Variants in RAP1GAP2 observed in about 807,000 individuals in gnomAD.
RAP1GAP2 encodes rap1 GTPase-activating protein 2.
A neutral mutation model predicts 95.0 loss-of-function variants in RAP1GAP2; 27 were observed. The observed-to-expected ratio is 0.28, with a 90% CI of 0.21 to 0.39. The LOEUF (loss-of-function observed/expected upper bound fraction) is 0.39, where lower values mean the gene tolerates loss of function less well. RAP1GAP2 is among the 10% of genes least tolerant of loss of function. The probability of loss-of-function intolerance (pLI) is 1.00; values close to 1 mark genes in which losing one functional copy is unlikely to be tolerated. For missense variants in RAP1GAP2, 771 were observed against 970.0 expected (o/e 0.79, Z 2.72); for synonymous variants, 373 against 380.9 (o/e 0.98, Z 0.24).
At position 2,871,403 on chromosome 17, in the gene RAP1GAP2, G is replaced by A. The variant is rs1026025342; in HGVS notation, c.81-33881G>A. Among the ~76,000 whole-genome samples, 2 of 152,146 alleles carry A rather than the reference G, an allele frequency of 1.3e-5. No individual in the cohort carries two copies. The highest frequency in any genetic ancestry group is 2.4e-5 in the African/African-American group (1 of 41,428). ...AGTCCCTATGTGCAGGGGTGGGAGC[G>A]GGGAGCCATGATTGGCCCAGGGAGA... On this transcript the variant is annotated intron_variant, in intron 2 of 24. Coordinates refer to ENST00000254695, the MANE Select transcript of RAP1GAP2 (RefSeq NM_015085.5). This position sits in a 1 kb window ranked among gnomAD's most constrained non-coding sequence, Gnocchi z 5.0.
chr17:2,882,256 A>T (rs1046004251), intron 2 of RAP1GAP2, among the ~76,000 whole-genome samples: 2 of 150,168 alleles, frequency 1.3e-5, no homozygotes, highest in African/African-American at 4.9e-5. Context: ...CCTCCTGAGT[A>T]GCTGGGATTA....
chr17:2,981,662 G>C (rs4790401), intron 10 of RAP1GAP2, among the ~76,000 whole-genome samples: 1 of 151,928 alleles, frequency 6.6e-6, no homozygotes, highest in Admixed American at 6.6e-5. Flanking sequence ...CCAGACAGCC[G>C]CCCCGCCATT....
At chr17:2,982,899 T>C (rs113901854) in intron 10 of RAP1GAP2, among the ~76,000 whole-genome samples, 73 of 152,362 alleles carry the variant, frequency 4.8e-4, no homozygotes, top group African/African-American at 1.7e-3. Flanking sequence ...TTCATCTGGC[T>C]GAGATGCACG....
chr17:2,891,984 C>T (rs763395171), intron 2 of RAP1GAP2, among the ~76,000 whole-genome samples: 2 of 151,248 alleles, frequency 1.3e-5, no homozygotes, highest in African/African-American at 4.9e-5. Flanking sequence ...CCACCATGCC[C>T]GGCTAATTTT....
At chr17:2,850,882 G>A (rs1018667297) in intron 2 of RAP1GAP2, among the ~76,000 whole-genome samples, 8 of 151,908 alleles carry the variant, frequency 5.3e-5, no homozygotes, top group African/African-American at 1.2e-4. Flanking sequence ...CCAACATGGC[G>A]AAACCCCGTC....
At chr17:2,771,499 G>GTTTTTTTTTTTTGTTTTTTTTTTTTTT (rs397976670) in intron 2 of RAP1GAP2, among the ~76,000 whole-genome samples, 1 of 124,766 alleles carries the variant, frequency 8.0e-6, no homozygotes, top group South Asian at 2.5e-4. Flanking sequence ...TTTTTTTTTT[G>GTTTTTTTTTTTTGTTTTTTTTTTTTTT]TTTTTTTTTT....
At chr17:2,957,012 C>T (rs1353719570) in intron 3 of RAP1GAP2, among the ~76,000 whole-genome samples, 1 of 151,880 alleles carries the variant, frequency 6.6e-6, no homozygotes, top group African/African-American at 2.4e-5. Context: ...CCTGTAGTTC[C>T]AGCTACTCGG....
At position 2,796,710 on chromosome 17, in the gene RAP1GAP2, G is replaced by A. The variant is rs1233002092; in HGVS notation, c.44+139G>A. ...GGGTCTGCTGACGCCCTGGCAGGTC[G>A]AGATGCAGGATCCTGGTGGGGACAT... On this transcript the variant is annotated intron_variant, in intron 1 of 24. Transcript: ENST00000254695. This position sits in a 1 kb window ranked among gnomAD's most constrained non-coding sequence, Gnocchi z 4.7. 69 of 950,124 alleles carry A rather than the reference G, an allele frequency of 7.3e-5. 1 individual carries two copies. In the South Asian group the frequency reaches 8.9e-4, roughly 12 times the overall value. The allele number at this position is 950,124 out of a possible 1,614,324, so 58.9% of individuals were successfully genotyped here.
chr17:2,854,630 G>T (rs1244855242), intron 2 of RAP1GAP2, among the ~76,000 whole-genome samples: 1 of 152,262 alleles, frequency 6.6e-6, no homozygotes, highest in African/African-American at 2.4e-5. Flanking sequence ...CGCCTTTCTG[G>T]CGTTTGTTCT....
intron 2 of RAP1GAP2, among the ~76,000 whole-genome samples, chr17:2,895,743 A>AT (rs1427525210): frequency 3.8e-4 from 58 of 151,992 alleles, no homozygotes; most frequent in African/African-American, 1.4e-3. Context: ...TGCCTGGCTA[A>AT]TTTTTTGTAT....
chr17:2,966,114 G>A (rs1409168955), intron 8 of RAP1GAP2, among the ~76,000 whole-genome samples: 1 of 152,210 alleles, frequency 6.6e-6, no homozygotes, highest in Non-Finnish European at 1.5e-5. Flanking sequence ...CACAACAGGA[G>A]CACTGATTTA....
chr17:2,815,196 T>C lies in RAP1GAP2; in HGVS notation c.80+14646T>C, dbSNP rs114097959. On this transcript the variant is annotated intron_variant, in intron 2 of 24. Coordinates refer to ENST00000254695, the MANE Select transcript of RAP1GAP2 (RefSeq NM_015085.5). ...AGGTGCTGCTGATGAGGCAGCTGGC[T>C]TCACAGCTGCACGGGAACCAGTGCC... is the stretch of plus-strand genomic sequence containing the variant. 9.4e-4 allele frequency among the ~76,000 whole-genome samples: 143 copies of C among 152,232 alleles called. 1 individual carries two copies. The highest frequency in any genetic ancestry group is 3.4e-3 in the Middle Eastern group (1 of 294).
Position 3,031,005 on chromosome 17 carries a change from A to C in RAP1GAP2, c.2184+7A>C, listed in dbSNP as rs371047814. On this transcript the variant is annotated splice_region_variant and intron_variant, in intron 23 of 24. Coordinates refer to ENST00000254695, the MANE Select transcript of RAP1GAP2 (RefSeq NM_015085.5). ...CCATGCCAGCTCTGGTGCGGTAAGG[A>C]TGCGCCTCCCACACCCCACACTCCA... 1 of 1,596,164 alleles carries C rather than the reference A, an allele frequency of 6.3e-7. No individual in the cohort carries two copies. Among genetic ancestry groups the C allele is most frequent in the African/African-American group, 1.3e-5 (1 of 74,158 alleles).
At chr17:2,800,452 C>G in intron 1 of RAP1GAP2, 63 bp from the exon 2 acceptor site, 1 of 1,555,250 alleles carries the variant, frequency 6.4e-7, no homozygotes, top group South Asian at 1.2e-5. Context: ...CTCCTCCATA[C>G]AGATGCTATG....
At chr17:2,766,295 C>T (rs142286173) in intron 1 of RAP1GAP2, among the ~76,000 whole-genome samples, 141 of 152,294 alleles carry the variant, frequency 9.3e-4, no homozygotes, top group African/African-American at 3.3e-3. Flanking sequence ...TAGCCCCGCA[C>T]TGTGATGGGT....
intron 1 of RAP1GAP2, among the ~76,000 whole-genome samples, chr17:2,760,315 A>G (rs1246904611): frequency 6.8e-6 from 1 of 147,696 alleles, no homozygotes; most frequent in Non-Finnish European, 1.5e-5. Flanking sequence ...AAAAAAAAAG[A>G]AAAGAAAAAA....
intron 2 of RAP1GAP2, among the ~76,000 whole-genome samples, chr17:2,815,894 C>T (rs368336515): frequency 2.0e-5 from 3 of 152,232 alleles, no homozygotes; most frequent in East Asian, 1.9e-4. Context: ...CATTGTGTAC[C>T]GGGACCCAGG....
chr17:2,922,265 T>C (rs767124088), intron 3 of RAP1GAP2, among the ~76,000 whole-genome samples: 1 of 152,214 alleles, frequency 6.6e-6, no homozygotes, highest in Non-Finnish European at 1.5e-5. Context: ...ATGAGGACGT[T>C]AATCCCGTTC....
At chr17:2,865,218 A>G (rs949957243) in intron 2 of RAP1GAP2, among the ~76,000 whole-genome samples, 3 of 152,214 alleles carry the variant, frequency 2.0e-5, no homozygotes, top group Non-Finnish European at 4.4e-5. Flanking sequence ...AGTGCAGCTC[A>G]GAGAGACCAG....
Sources: gnomAD v4.1 joint callset for allele counts (sites outside exome capture counted in the v4.1 genomes callset) on GRCh38, gnomAD v4.1.1 for gene constraint, Gnocchi (gnomAD v3.1) non-coding constraint, MANE v1.5 for transcripts, NCBI Gene and HGNC (gene_info 2026-07-23, HGNC 2026-07-21) for gene names.